Variants in DCAF8L2 observed in about 807,000 individuals in gnomAD.
DCAF8L2 encodes DDB1 and CUL4 associated factor 8 like 2, also known as DDB1- and CUL4-associated factor 8-like protein 2.
For missense variants in DCAF8L2, 430 were observed against 490.7 expected (o/e 0.88, Z 1.17); for synonymous variants, 200 against 190.9 (o/e 1.05, Z -0.39).
chrX:27,718,969 C>T (rs1332173134), intron 4 of DCAF8L2, among the ~76,000 whole-genome samples: 3 of 111,498 alleles, frequency 2.7e-5, no homozygotes, highest in Admixed American at 1.9e-4. Context: ...AAAACAGGCA[C>T]GCATATACAC....
the DCAF8L2 span, among the ~76,000 whole-genome samples, chrX:27,490,012 G>T: frequency 4.5e-5 from 5 of 111,274 alleles, no homozygotes; most frequent in African/African-American, 1.6e-4. Flanking sequence ...GAGTAGCTAG[G>T]ACTACAGGTG....
intron 2 of DCAF8L2, among the ~76,000 whole-genome samples, chrX:27,659,845 G>A (rs749670917): frequency 5.4e-5 from 6 of 110,481 alleles, no homozygotes; most frequent in South Asian, 7.6e-4. Context: ...TGATTTCTTT[G>A]TATTATCTCT....
intron 4 of DCAF8L2, among the ~76,000 whole-genome samples, chrX:27,717,177 A>C (rs1931730433): frequency 8.9e-6 from 1 of 112,422 alleles, no homozygotes; most frequent in Admixed American, 9.4e-5. Context: ...TATTGTGAAT[A>C]GTTCTGTAGT....
chrX:27,519,260 C>T, the DCAF8L2 span: 1 of 978,744 alleles, frequency 1.0e-6, no homozygotes. Flanking sequence ...GAAGAACAGA[C>T]TCAAAAAGCT....
intron 1 of DCAF8L2, among the ~76,000 whole-genome samples, chrX:27,613,034 T>A (rs1201792237): frequency 8.9e-6 from 1 of 111,857 alleles, no homozygotes; most frequent in South Asian, 3.7e-4. Context: ...TATAAATTAC[T>A]TTGGGCAGTA....
Position 27,747,545 on chromosome X carries a change from G to A in DCAF8L2, c.650G>A (p.Arg217His), listed in dbSNP as rs776893287. The change falls in exon 5 of 5, where the codon CGT (arginine) becomes CAT (histidine). Residue 217 changes from arginine to histidine, a missense_variant. Coordinates refer to ENST00000451261, the MANE Select transcript of DCAF8L2 (RefSeq NM_001353450.2). ...EACGARAFVQ[R>H]FRLQYRLADH... ...TGTGGGGCAAGAGCCTTTGTGCAGC[G>A]TTTCCGCCTGCAATATCGTCTTGCA... 5 of 1,183,750 alleles carry A rather than the reference G, an allele frequency of 4.2e-6. No individual in the cohort carries two copies. Among genetic ancestry groups the A allele is most frequent in the Non-Finnish European group, 4.5e-6 (4 of 881,116 alleles).
At chrX:27,699,601 T>C (rs1450270860) in intron 3 of DCAF8L2, among the ~76,000 whole-genome samples, 3 of 111,580 alleles carry the variant, frequency 2.7e-5, no homozygotes, top group Non-Finnish European at 5.6e-5. Context: ...CCAGAGACGA[T>C]GATGTCTCAA....
chrX:27,533,216 A>G, the DCAF8L2 span, among the ~76,000 whole-genome samples: 5 of 49,497 alleles, frequency 1.0e-4, no homozygotes, highest in African/African-American at 2.7e-4. Context: ...GAAAGAAAGA[A>G]AGAAAGAAAG....
At chrX:27,618,647 C>T (rs1181631814) in intron 1 of DCAF8L2, among the ~76,000 whole-genome samples, 2 of 110,564 alleles carry the variant, frequency 1.8e-5, no homozygotes, top group African/African-American at 3.3e-5. Flanking sequence ...AGCTCTGCCC[C>T]GTGAAGCAAA....
intron 4 of DCAF8L2, among the ~76,000 whole-genome samples, chrX:27,733,392 G>A (rs774278151): frequency 8.1e-5 from 9 of 111,461 alleles, no homozygotes; most frequent in East Asian, 2.8e-4. Context: ...TTTTATTATC[G>A]CCATTGATTA....
At chrX:27,649,483 C>T (rs1208757639) in intron 2 of DCAF8L2, among the ~76,000 whole-genome samples, 3 of 111,841 alleles carry the variant, frequency 2.7e-5, no homozygotes, top group Non-Finnish European at 5.6e-5. Context: ...TGTTTTTTGA[C>T]GTTTTACTAA....
At chrX:27,611,551 G>A (rs1024178090) in intron 1 of DCAF8L2, among the ~76,000 whole-genome samples, 3 of 109,614 alleles carry the variant, frequency 2.7e-5, no homozygotes, top group Admixed American at 9.8e-5. Flanking sequence ...CCATTAACTC[G>A]TCATTTACAT....
At chrX:27,580,254 A>C in the DCAF8L2 span, among the ~76,000 whole-genome samples, 2 of 111,197 alleles carry the variant, frequency 1.8e-5, no homozygotes, top group South Asian at 7.5e-4. Flanking sequence ...AAGTGAAAGG[A>C]GCAAGAGAGG....
chrX:27,724,494 T>G (rs943222239), intron 4 of DCAF8L2, among the ~76,000 whole-genome samples: 1 of 110,857 alleles, frequency 9.0e-6, no homozygotes, highest in Non-Finnish European at 1.9e-5. Flanking sequence ...TTGTAACTGT[T>G]TGGAATATAA....
upstream of DCAF8L2, among the ~76,000 whole-genome samples, chrX:27,586,398 T>C (rs923790918): frequency 9.0e-6 from 1 of 111,601 alleles, no homozygotes; most frequent in Admixed American, 9.6e-5. Flanking sequence ...TTGTTCATAG[T>C]ATTAAGTTGA....
chrX:27,694,590 A>G (rs1360538085), intron 3 of DCAF8L2, among the ~76,000 whole-genome samples: 2 of 111,256 alleles, frequency 1.8e-5, no homozygotes, highest in African/African-American at 6.5e-5. Context: ...ATATCAAGTA[A>G]TAACTACTGC....
chrX:27,690,458 C>A (rs922550876), intron 3 of DCAF8L2, among the ~76,000 whole-genome samples: 1 of 111,385 alleles, frequency 9.0e-6, no homozygotes, highest in Non-Finnish European at 1.9e-5. Flanking sequence ...CAGACAAATA[C>A]ATTTCAAAGT....
At chrX:27,586,735 G>A (rs1925911626), upstream of DCAF8L2, among the ~76,000 whole-genome samples, 1 of 110,610 alleles carries the variant, frequency 9.0e-6, no homozygotes, top group Non-Finnish European at 1.9e-5. Context: ...GTGCTAAAAA[G>A]GAGGGTTGAA....
the DCAF8L2 span, among the ~76,000 whole-genome samples, chrX:27,545,889 G>A: frequency 8.1e-5 from 9 of 111,315 alleles, no homozygotes; most frequent in Non-Finnish European, 1.7e-4. Flanking sequence ...TGGGAACACA[G>A]AACCAAACCA....
Sources: allele counts gnomAD v4.1 joint callset (sites outside exome capture counted in the v4.1 genomes callset), GRCh38; gene constraint gnomAD v4.1.1; transcripts MANE v1.5; gene names NCBI Gene and HGNC (gene_info 2026-07-23, HGNC 2026-07-21).